Variants in ALPK2 observed in about 807,000 individuals in gnomAD.
The protein encoded by ALPK2 is alpha kinase 2.
In ALPK2, 127 loss-of-function variants were observed where a neutral mutation model predicts 163.1. The observed-to-expected ratio is 0.78, with a 90% CI of 0.67 to 0.90. The LOEUF is 0.90. ALPK2 is among the 40% of genes least tolerant of loss of function. The probability of loss-of-function intolerance (pLI) is 0.00; values close to 1 mark genes in which losing one functional copy is unlikely to be tolerated. For synonymous variants in ALPK2, 953 were observed against 959.1 expected (o/e 0.99, Z 0.12); for missense variants, 2,360 against 2,589.6 (o/e 0.91, Z 1.92).
intron 4 of ALPK2, among the ~76,000 whole-genome samples, chr18:58,546,911 G>C (rs2051720300): frequency 6.6e-6 from 1 of 152,168 alleles, no homozygotes; most frequent in Non-Finnish European, 1.5e-5. Flanking sequence ...TTTCTGAATA[G>C]TCTCTGGGGG....
At chr18:58,547,323 G>C (rs1602211832) in intron 4 of ALPK2, among the ~76,000 whole-genome samples, 1 of 152,190 alleles carries the variant, frequency 6.6e-6, no homozygotes, top group Non-Finnish European at 1.5e-5. Flanking sequence ...GTCACCATAG[G>C]TAGACCGATT....
rs750226888 is a variant in ALPK2 at position 58,579,696 on chromosome 18, A to G, written c.1080T>C (p.Asp360=). ...GTEHVFLLES[D]DEEMEFGEHC... ...GCTCACCGAATTCCATCTCTTCGTC[A>G]TCGCTTTCTAATAAAAAAACATGCT... The change falls in exon 4 of 13, where the codon GAT becomes GAC. Residue 360 remains aspartate (D), a synonymous_variant. Coordinates refer to ENST00000361673, the MANE Select transcript of ALPK2 (RefSeq NM_052947.4). 7 of 1,614,144 alleles carry G rather than the reference A, an allele frequency of 4.3e-6. No homozygotes were observed. In the East Asian group the frequency reaches 1.3e-4, roughly 31 times the overall value.
At chr18:58,544,338 A>G (rs913309744) in intron 4 of ALPK2, 26 of 152,172 alleles carry the variant, frequency 1.7e-4, no homozygotes, top group African/African-American at 5.8e-4. Context: ...TCTGCCATGG[A>G]TTTAATGGAA....
rs1008376152 is a variant in ALPK2 at position 58,521,673 on chromosome 18, G to A, written c.5665+2133C>T. Among the ~76,000 whole-genome samples, 13 of 112,978 alleles carry A rather than the reference G, an allele frequency of 1.2e-4. No homozygotes were observed. In the Admixed American group the frequency reaches 1.5e-3, roughly 13 times the overall value. The allele number at this position is 112,978 out of a possible 152,430, so 74.1% of individuals were successfully genotyped here. A position where few individuals can be genotyped will look rare whatever the true frequency, so the allele number is the denominator to read the frequency against. ...AGATGGAGTCTTGCTGTGTCGCCAG[G>A]CTGGGGGGCAGTGGCGTGATCTCAG... is the stretch of plus-strand genomic sequence containing the variant. On this transcript the variant is annotated intron_variant, in intron 8 of 12. Coordinates refer to ENST00000361673, the MANE Select transcript of ALPK2 (RefSeq NM_052947.4).
Position 58,537,438 on chromosome 18 carries a change from A to G in ALPK2, c.2749T>C (p.Ser917Pro). The change falls in exon 5 of 13, where the codon TCC becomes CCC. Residue 917 changes from serine to proline, a missense_variant. Coordinates refer to ENST00000361673, the MANE Select transcript of ALPK2 (RefSeq NM_052947.4). ...ACTGTGGAGGCCAGTGGGTAGGTGG[A>G]ATTCTCCACCTTGGCTAGATTTTCT... The part of the protein sequence containing the change: ...TGENLAKVEN[S>P]TYPLASTVHA... 1 of 1,613,058 alleles carries G rather than the reference A, an allele frequency of 6.2e-7. No homozygotes were observed. Among genetic ancestry groups the G allele is most frequent in the Non-Finnish European group, 8.5e-7 (1 of 1,179,342 alleles).
chr18:58,515,032 G>A lies in ALPK2; in HGVS notation c.5990C>T (p.Ala1997Val). 6.2e-7 allele frequency: 1 copy of A among 1,612,980 alleles called. No homozygotes were observed. The highest frequency in any genetic ancestry group is 8.5e-7 in the Non-Finnish European group (1 of 1,179,408). ...AAAGCCTTCCAGAGGCTGTGCTTCA[G>A]CAGCGTAGATCTTGGCATAATACCT... Reference protein sequence around the residue: ...TARYYAKIYAAEAQPLEGFGE... With the variant: ...TARYYAKIYAVEAQPLEGFGE... Residue 1997 changes from alanine (A) to valine (V), a missense_variant, in exon 10 of 13, where the codon GCT becomes GTT. Ala to Val is a moderately conservative substitution (Grantham distance 64). Coordinates refer to ENST00000361673, the MANE Select transcript of ALPK2 (RefSeq NM_052947.4).
chr18:58,596,867 C>A (rs569973416), intron 3 of ALPK2, among the ~76,000 whole-genome samples: 1 of 152,288 alleles, frequency 6.6e-6, no homozygotes, highest in East Asian at 1.9e-4. Flanking sequence ...GTTACCCAGA[C>A]TGGAGTGCAG....
intron 1 of ALPK2, among the ~76,000 whole-genome samples, chr18:58,626,983 TC>T (rs1444331937): frequency 2.0e-5 from 3 of 152,302 alleles, no homozygotes; most frequent in South Asian, 4.1e-4. Flanking sequence ...ATTCATCTAA[TC>T]CCCCATCAAT....
intron 1 of ALPK2, among the ~76,000 whole-genome samples, chr18:58,625,991 C>T (rs887598799): frequency 1.1e-4 from 16 of 152,204 alleles, no homozygotes; most frequent in East Asian, 9.6e-4. Context: ...CTTTCGTTTT[C>T]GCCAACCCTA....
Position 58,515,062 on chromosome 18 carries a change from G to A in ALPK2, c.5960C>T (p.Thr1987Ile). The A allele has an allele frequency of 6.2e-7, 1 of 1,611,640 alleles. No individual in the cohort carries two copies. The highest frequency in any genetic ancestry group is 8.5e-7 in the Non-Finnish European group (1 of 1,178,726). ...LAAQECYVQNTARYYAKIYAA... is the reference protein window; with the variant it reads ...LAAQECYVQNIARYYAKIYAA... ...GTAGATCTTGGCATAATACCTGGCA[G>A]TATTTTGAACATAGCATTCCTATAT... Residue 1987 changes from threonine (T) to isoleucine (I), a missense_variant, in exon 10 of 13, where the codon ACT becomes ATT. By Grantham distance (89) the Thr-to-Ile change is moderately conservative (BLOSUM62 -1). Coordinates refer to ENST00000361673, the MANE Select transcript of ALPK2 (RefSeq NM_052947.4).
intron 11 of ALPK2, among the ~76,000 whole-genome samples, chr18:58,502,226 A>G (rs2051436116): frequency 6.6e-6 from 1 of 151,400 alleles, no homozygotes; most frequent in African/African-American, 2.4e-5. Flanking sequence ...GTGATGGCAT[A>G]CTCCCGTAGT....
chr18:58,596,903 C>T (rs778292820), intron 3 of ALPK2, among the ~76,000 whole-genome samples: 8 of 152,134 alleles, frequency 5.3e-5, no homozygotes, highest in Non-Finnish European at 1.0e-4. Context: ...TCACTGCAGC[C>T]TCAACCCCCC....
chr18:58,528,240 T>TCTCC (rs2051593922), intron 6 of ALPK2, among the ~76,000 whole-genome samples: 1 of 152,144 alleles, frequency 6.6e-6, no homozygotes, highest in Non-Finnish European at 1.5e-5. Flanking sequence ...CTTTATTATC[T>TCTCC]TAAGGACATG....
intron 3 of ALPK2, among the ~76,000 whole-genome samples, chr18:58,599,812 T>G (rs182761409): frequency 3.9e-5 from 6 of 152,272 alleles, no homozygotes; most frequent in Admixed American, 2.0e-4. Context: ...ACTATTATTA[T>G]CCCCATTTTT....
At chr18:58,506,913 A>G (rs1602191111) in intron 10 of ALPK2, among the ~76,000 whole-genome samples, 1 of 152,114 alleles carries the variant, frequency 6.6e-6, no homozygotes, top group South Asian at 2.1e-4. Context: ...AAGTGTCTCC[A>G]TAACCACCAC....
At chr18:58,604,527 G>A (rs1049221670) in intron 3 of ALPK2, among the ~76,000 whole-genome samples, 5 of 152,172 alleles carry the variant, frequency 3.3e-5, no homozygotes, top group Admixed American at 6.5e-5. Context: ...GTCTCCCCAG[G>A]TGATACTAAC....
rs146897472 is a variant in ALPK2 at position 58,528,298 on chromosome 18, G to A, written c.5501+793C>T. On this transcript the variant is annotated intron_variant, in intron 6 of 12. Transcript: ENST00000361673. ...TGTAATCCCAGCACTTTGGGAGGCT[G>A]AGGCAGGTGGATCACTTGAGGCCAG... Among the ~76,000 whole-genome samples the A allele has an allele frequency of 9.5e-4, 144 of 152,298 alleles. 2 individuals carry two copies. In the East Asian group the frequency reaches 0.023, roughly 25 times the overall value.
chr18:58,624,449 C>CTTTTTTTTTTTT (rs60271669), intron 1 of ALPK2, among the ~76,000 whole-genome samples: 1 of 127,308 alleles, frequency 7.9e-6, no homozygotes. Context: ...TGATTTCTTT[C>CTTTTTTTTTTTT]TTTTTTTTTT....
At chr18:58,485,010 A>G (rs1187505118) in intron 12 of ALPK2, among the ~76,000 whole-genome samples, 2 of 152,204 alleles carry the variant, frequency 1.3e-5, no homozygotes, top group African/African-American at 4.8e-5. Context: ...GACCAGTGAC[A>G]TGTAGGGCCC....
Sources: allele counts gnomAD v4.1 joint callset (sites outside exome capture counted in the v4.1 genomes callset), GRCh38; gene constraint gnomAD v4.1.1; transcripts MANE v1.5; gene names NCBI Gene and HGNC (gene_info 2026-07-23, HGNC 2026-07-21).